C2CD3: variants seen among roughly 807,000 people sequenced by gnomAD.
C2CD3 encodes the protein C2 domain containing 3 centriole elongation regulator, also known as C2 domain-containing protein 3.
A neutral mutation model predicts 234.0 loss-of-function variants in C2CD3; 148 were observed. That is an observed-to-expected ratio of 0.63 (90% confidence interval 0.55 to 0.72). The LOEUF (loss-of-function observed/expected upper bound fraction) is 0.72. Ranked by LOEUF, C2CD3 falls within the 30% of genes least tolerant of loss-of-function variation. The pLI, the probability that C2CD3 is intolerant of heterozygous loss-of-function variation, is 0.00. For missense variants in C2CD3, 2,577 were observed against 2,811.5 expected (o/e 0.92, Z 1.89); for synonymous variants, 1,000 against 1,035.4 (o/e 0.97, Z 0.66).
intron 3 of C2CD3, among the ~76,000 whole-genome samples, chr11:74,155,848 A>G (rs1855976876): frequency 6.6e-6 from 1 of 152,100 alleles, no homozygotes; most frequent in African/African-American, 2.4e-5. Context: ...TGCACTTTAA[A>G]AGGGTGAATT....
intron 17 of C2CD3, 90 bp from the exon 18 acceptor site, chr11:74,094,089 T>C: frequency 9.5e-7 from 1 of 1,056,298 alleles, no homozygotes; most frequent in Non-Finnish European, 1.4e-6. Flanking sequence ...TATTACTTAG[T>C]AATTCCCTAG....
chr11:74,027,189 C>A (rs977011058), intron 32 of C2CD3, among the ~76,000 whole-genome samples: 3 of 152,140 alleles, frequency 2.0e-5, no homozygotes, highest in Non-Finnish European at 4.4e-5. Flanking sequence ...TTACTGCAAC[C>A]TCCACCTCCT....
intron 22 of C2CD3, among the ~76,000 whole-genome samples, chr11:74,079,787 T>C (rs1955252480): frequency 6.6e-6 from 1 of 152,106 alleles, no homozygotes; most frequent in Non-Finnish European, 1.5e-5. Flanking sequence ...GTTCACACTA[T>C]CTTATCTGAA....
chr11:74,136,601 A>C (rs1253030881), intron 5 of C2CD3, among the ~76,000 whole-genome samples: 1 of 152,158 alleles, frequency 6.6e-6, no homozygotes, highest in Admixed American at 6.6e-5. Flanking sequence ...ACCTCACGTG[A>C]CTTTTGTAAG....
intron 31 of C2CD3, among the ~76,000 whole-genome samples, chr11:74,029,653 G>A (rs11235980): frequency 6.6e-5 from 10 of 152,232 alleles, no homozygotes; most frequent in Non-Finnish European, 1.5e-4. Context: ...TTGCTGTGAG[G>A]TGTCAGGGCT....
intron 3 of C2CD3, among the ~76,000 whole-genome samples, chr11:74,147,776 G>C (rs1432014608): frequency 3.3e-5 from 5 of 152,172 alleles, no homozygotes; most frequent in Non-Finnish European, 1.5e-5. Flanking sequence ...GGAACTATCT[G>C]TCCTACTTTT....
At chr11:74,043,940 C>T (rs569703187) in intron 28 of C2CD3, among the ~76,000 whole-genome samples, 14 of 152,120 alleles carry the variant, frequency 9.2e-5, no homozygotes, top group Non-Finnish European at 1.8e-4. Flanking sequence ...CTTCCCACCT[C>T]AGCCTCCTAA....
Position 74,100,632 on chromosome 11 carries a change from C to A in C2CD3, c.2625G>T (p.Lys875Asn), listed in dbSNP as rs942453395. The change falls in exon 15 of 33, where the codon AAG (lysine) becomes AAT (asparagine). Residue 875 changes from lysine (K) to asparagine (N), a missense_variant. Lys to Asn is a moderately conservative substitution (Grantham distance 94, BLOSUM62 0). Transcript: ENST00000334126. ...AAGTTTCAATTACCATCACATTGTT[C>A]TTAAGCCTTTCCAGGTATTTGGAAG... ...SLSSKYLERL[K>N]NNVMVIETWN... The A allele has an allele frequency of 1.2e-6, 2 of 1,613,916 alleles. No individual in the cohort carries two copies. The highest frequency in any genetic ancestry group is 1.7e-6 in the Non-Finnish European group (2 of 1,179,934).
At chr11:74,084,768 A>T (rs1275374174) in intron 22 of C2CD3, 113 bp downstream of exon 22, 14 of 685,496 alleles carry the variant, frequency 2.0e-5, no homozygotes, top group Non-Finnish European at 3.7e-5. Flanking sequence ...AGCATGTGTT[A>T]AGGGGTTGTG....
At chr11:74,139,235 T>C (rs1957966985) in intron 4 of C2CD3, among the ~76,000 whole-genome samples, 1 of 152,196 alleles carries the variant, frequency 6.6e-6, no homozygotes, top group African/African-American at 2.4e-5. Context: ...AAGCAAATGC[T>C]TCATAAATAA....
chr11:74,170,703 T>C (rs748558284), intron 1 of C2CD3, 35 bp downstream of exon 1: 2 of 1,613,804 alleles, frequency 1.2e-6, no homozygotes, highest in African/African-American at 2.7e-5. Flanking sequence ...TGCTCTCCTA[T>C]TACGCTTTCC....
chr11:74,062,472 A>G (rs990469604), intron 24 of C2CD3, among the ~76,000 whole-genome samples: 11 of 152,206 alleles, frequency 7.2e-5, no homozygotes, highest in African/African-American at 2.7e-4. Flanking sequence ...TAAGAAATTC[A>G]CTCAAAACTG....
chr11:74,128,949 C>CT, intron 7 of C2CD3: 1 of 289,954 alleles, frequency 3.4e-6, no homozygotes, highest in South Asian at 2.9e-5. Context: ...CTACTTCTTT[C>CT]TACACAGACA....
intron 24 of C2CD3, among the ~76,000 whole-genome samples, chr11:74,062,270 G>A (rs1095421): frequency 0.046 from 7,011 of 152,026 alleles, 470 homozygotes; most frequent in African/African-American, 0.15. Context: ...TGCACCAAGC[G>A]GACCTAATAG....
chr11:74,137,653 T>C lies in C2CD3; in HGVS notation c.955+1067A>G, dbSNP rs550369835. On this transcript the variant is annotated intron_variant, in intron 5 of 32. Transcript: ENST00000334126. ...AGGCTGGAGTGCAGTGGTACCATCT[T>C]GGATCACTGCAACCTCTGCCTCCTG... 2.0e-4 allele frequency among the ~76,000 whole-genome samples: 31 copies of C among 152,054 alleles called. No homozygotes were observed. In the South Asian group the frequency reaches 6.0e-3, roughly 30 times the overall value.
chr11:74,168,661 G>A (rs1361374583), intron 1 of C2CD3, 48 bp from the exon 2 acceptor site: 2 of 1,521,116 alleles, frequency 1.3e-6, no homozygotes, highest in South Asian at 2.4e-5. Flanking sequence ...ACTAAATATA[G>A]AAAACATATA....
At chr11:74,017,661 G>A (rs1212719848) in intron 32 of C2CD3, among the ~76,000 whole-genome samples, 1 of 152,168 alleles carries the variant, frequency 6.6e-6, no homozygotes, top group Non-Finnish European at 1.5e-5. Flanking sequence ...TTTGGGCCTT[G>A]GTTTGTGCAT....
chr11:74,042,510 T>TG (rs1953117734), intron 28 of C2CD3, among the ~76,000 whole-genome samples: 1 of 152,060 alleles, frequency 6.6e-6, no homozygotes, highest in African/African-American at 2.4e-5. Flanking sequence ...CCCAGCACTT[T>TG]GGGGGGCTGA....
At chr11:74,040,436 G>T (rs12417424) in intron 29 of C2CD3, among the ~76,000 whole-genome samples, 25,620 of 151,766 alleles carry the variant, frequency 0.17, 2,355 homozygotes, top group Admixed American at 0.25. Flanking sequence ...TTCTGACTTT[G>T]CATTATGAAT....
Sources: allele counts gnomAD v4.1 joint callset (sites outside exome capture counted in the v4.1 genomes callset), GRCh38; gene constraint gnomAD v4.1.1; transcripts MANE v1.5; gene names NCBI Gene and HGNC (gene_info 2026-07-23, HGNC 2026-07-21).